ZNF362: variants seen among roughly 807,000 people sequenced by gnomAD.
ZNF362 encodes zinc finger protein 362.
A neutral mutation model predicts 42.9 loss-of-function variants in ZNF362; 11 were observed. The ratio of observed to expected loss-of-function variants is 0.26; its 90% CI spans 0.16 to 0.42. ZNF362 has a LOEUF of 0.42. Ranked by LOEUF, ZNF362 falls within the 20% of genes least tolerant of loss-of-function variation. The pLI, the probability that ZNF362 is intolerant of heterozygous loss-of-function variation, is 1.00. For synonymous variants in ZNF362, 255 were observed against 257.3 expected (o/e 0.99, Z 0.09); for missense variants, 362 against 576.2 (o/e 0.63, Z 3.81).
At chr1:33,236,550 A>AAAAAAAAAATATAT in the ZNF362 span, among the ~76,000 whole-genome samples, 20 of 5,968 alleles carry the variant, frequency 3.4e-3, 3 homozygotes, top group South Asian at 0.036. Flanking sequence ...AAAAAAAAAA[A>AAAAAAAAAATATAT]ATATATATAT....
intron 2 of ZNF362, among the ~76,000 whole-genome samples, chr1:33,273,826 CTG>C (rs766750936): frequency 2.0e-5 from 3 of 152,334 alleles, no homozygotes; most frequent in Admixed American, 6.5e-5. Context: ...GCTTTGTAAA[CTG>C]TGAGCAGTGC....
At chr1:33,202,013 T>C in the ZNF362 span, among the ~76,000 whole-genome samples, 1 of 152,208 alleles carries the variant, frequency 6.6e-6, no homozygotes, top group Non-Finnish European at 1.5e-5. Flanking sequence ...GTTGGATAAC[T>C]TAGATGAAAT....
At chr1:33,232,425 AT>A in the ZNF362 span, among the ~76,000 whole-genome samples, 355 of 151,464 alleles carry the variant, frequency 2.3e-3, no homozygotes, top group African/African-American at 7.9e-3. Flanking sequence ...TGCCAGGCTA[AT>A]TTTTTTTTGT....
chr1:33,184,926 G>A, the ZNF362 span, among the ~76,000 whole-genome samples: 1,684 of 152,082 alleles, frequency 0.011, 26 homozygotes, highest in East Asian at 0.051. Flanking sequence ...GACTACAGGC[G>A]CATACCACCA....
At chr1:33,138,642 A>AG in the ZNF362 span, among the ~76,000 whole-genome samples, 30 of 146,104 alleles carry the variant, frequency 2.1e-4, no homozygotes, top group Admixed American at 8.9e-4. Flanking sequence ...AAAAAAAAAA[A>AG]AAAGAAAAGG....
the ZNF362 span, among the ~76,000 whole-genome samples, chr1:33,155,587 C>T: frequency 6.6e-6 from 1 of 152,068 alleles, no homozygotes; most frequent in Non-Finnish European, 1.5e-5. Context: ...CTCTGGGGCC[C>T]GACGTTGGGG....
chr1:33,220,195 G>T, the ZNF362 span, among the ~76,000 whole-genome samples: 1 of 152,130 alleles, frequency 6.6e-6, no homozygotes, highest in African/African-American at 2.4e-5. Flanking sequence ...CTCTGCAGTG[G>T]GGGGTTTGGG....
At chr1:33,168,665 G>A in the ZNF362 span, among the ~76,000 whole-genome samples, 27 of 152,334 alleles carry the variant, frequency 1.8e-4, 1 homozygote, top group South Asian at 4.1e-3. Context: ...CCTAACATTC[G>A]TGTGCAGCTT....
chr1:33,276,305 G>T (rs1296229907), intron 3 of ZNF362, 43 bp from the exon 4 acceptor site: 7 of 1,539,868 alleles, frequency 4.5e-6, no homozygotes, highest in Non-Finnish European at 6.1e-6. Context: ...CAAGGGGCGG[G>T]AGGTGGTCCA....
chr1:33,211,525 G>C, the ZNF362 span, among the ~76,000 whole-genome samples: 1 of 152,078 alleles, frequency 6.6e-6, no homozygotes, highest in Non-Finnish European at 1.5e-5. Context: ...TGAAATTCTG[G>C]GTTGAAAATT....
chr1:33,187,583 G>A, the ZNF362 span, among the ~76,000 whole-genome samples: 1 of 152,162 alleles, frequency 6.6e-6, no homozygotes, highest in Admixed American at 6.5e-5. Context: ...ACCCTTTCTA[G>A]ATGCCCCTCA....
At chr1:33,203,257 A>C in the ZNF362 span, among the ~76,000 whole-genome samples, 1 of 152,102 alleles carries the variant, frequency 6.6e-6, no homozygotes, top group Non-Finnish European at 1.5e-5. Context: ...TATTTCATTT[A>C]GCATAATGTC....
Position 33,294,710 on chromosome 1 carries a change from T to C in ZNF362, c.909-227T>C, listed in dbSNP as rs1239445564. Among the ~76,000 whole-genome samples the C allele has an allele frequency of 6.6e-6, 1 of 152,040 alleles. No homozygotes were observed. The highest frequency in any genetic ancestry group is 1.5e-5 in the Non-Finnish European group (1 of 68,008). On this transcript the variant is annotated intron_variant, in intron 6 of 8. Coordinates refer to ENST00000539719, the MANE Select transcript of ZNF362 (RefSeq NM_152493.3). The surrounding 1 kb of genome is among the most constrained non-coding windows in gnomAD (Gnocchi z 4.2). ...TGGTGGGCTGGGGACAGCTGGGACC[T>C]GTGGGAAGTAGGAGGCTCTGGTCAG...
the ZNF362 span, among the ~76,000 whole-genome samples, chr1:33,189,698 CACATATATACGTATATATATACAT>C: frequency 3.9e-4 from 2 of 5,156 alleles, no homozygotes; most frequent in African/African-American, 9.7e-4. Context: ...TATATATATA[CACATATATACGTATATATATACAT>C]ACACACATAC....
the ZNF362 span, among the ~76,000 whole-genome samples, chr1:33,203,501 G>GTATATGACCCA: frequency 6.6e-6 from 1 of 152,158 alleles, no homozygotes; most frequent in Non-Finnish European, 1.5e-5. Flanking sequence ...AAGAAGGATT[G>GTATATGACCCA]CTGGGTCATA....
At chr1:33,189,657 A>G in the ZNF362 span, among the ~76,000 whole-genome samples, 292 of 102,004 alleles carry the variant, frequency 2.9e-3, 18 homozygotes, top group African/African-American at 0.011. Context: ...ATATATATAT[A>G]TATATATATA....
the ZNF362 span, among the ~76,000 whole-genome samples, chr1:33,216,682 AT>A: frequency 4.0e-5 from 6 of 151,460 alleles, no homozygotes; most frequent in Non-Finnish European, 8.8e-5. Context: ...AAGAACATTT[AT>A]TTAGGATGAT....
chr1:33,148,587 G>C, the ZNF362 span, among the ~76,000 whole-genome samples: 6 of 152,160 alleles, frequency 3.9e-5, no homozygotes, highest in Admixed American at 2.6e-4. Flanking sequence ...GATTGTGGGT[G>C]AGCATCTACA....
the ZNF362 span, among the ~76,000 whole-genome samples, chr1:33,170,305 C>T: frequency 5.5e-5 from 7 of 127,920 alleles, no homozygotes; most frequent in Non-Finnish European, 1.1e-4. Context: ...GCCTGGGTGA[C>T]ACAGCCCAGT....
Sources: allele counts gnomAD v4.1 joint callset (sites outside exome capture counted in the v4.1 genomes callset), GRCh38; gene constraint gnomAD v4.1.1; non-coding constraint Gnocchi (gnomAD v3.1); transcripts MANE v1.5; gene names NCBI Gene and HGNC (gene_info 2026-07-23, HGNC 2026-07-21).